The following TRDN variants were observed in gnomAD, a reference collection of about 807,000 sequenced individuals.
The protein encoded by TRDN is triadin, also known as triadin in skeletal muscle.
In TRDN, 161 loss-of-function variants were observed where a neutral mutation model predicts 149.7. The ratio of observed to expected loss-of-function variants is 1.08; its 90% CI spans 0.95 to 1.23. TRDN has a LOEUF of 1.23. Among genes scored for constraint, TRDN ranks in the 50% most tolerant of loss-of-function variants. TRDN has a pLI of 0.00. For synonymous variants in TRDN, 294 were observed against 250.5 expected (o/e 1.17, Z -1.64); for missense variants, 896 against 823.5 (o/e 1.09, Z -1.08).
At position 123,247,929 on chromosome 6, in the gene TRDN, C is replaced by T. The variant is rs562674333; in HGVS notation, c.1975+4483G>A. 1.9e-3 allele frequency among the ~76,000 whole-genome samples: 294 copies of T among 152,090 alleles called. 1 individual carries two copies. Among genetic ancestry groups the T allele is most frequent in the South Asian group, 4.8e-3 (23 of 4,818 alleles). ...TAGACCAATGGGACAGAACAAAGGC[C>T]ACAGAAATAACACCACACATCTACA... On this transcript the variant is annotated intron_variant, in intron 38 of 40. Coordinates refer to ENST00000334268, the MANE Select transcript of TRDN (RefSeq NM_006073.4).
intron 12 of TRDN, among the ~76,000 whole-genome samples, chr6:123,401,467 C>A (rs1562295907): frequency 6.6e-6 from 1 of 152,146 alleles, no homozygotes; most frequent in East Asian, 1.9e-4. Context: ...TGAGGTTTGT[C>A]ACTTACTCTT....
intron 5 of TRDN, among the ~76,000 whole-genome samples, chr6:123,521,258 C>T (rs527584755): frequency 6.6e-6 from 1 of 152,202 alleles, no homozygotes; most frequent in African/African-American, 2.4e-5. Flanking sequence ...GCCCCAGAGC[C>T]TAAGAATGTG....
At chr6:123,389,265 G>A (rs1416735975) in intron 13 of TRDN, among the ~76,000 whole-genome samples, 1 of 152,092 alleles carries the variant, frequency 6.6e-6, no homozygotes, top group Non-Finnish European at 1.5e-5. Flanking sequence ...TATGACCCCT[G>A]GTTCTGTGTA....
chr6:123,545,019 T>C (rs987996602), intron 4 of TRDN, among the ~76,000 whole-genome samples: 1 of 151,956 alleles, frequency 6.6e-6, no homozygotes, highest in Non-Finnish European at 1.5e-5. Context: ...AGAATAGCAG[T>C]AACTCAACAA....
At chr6:123,635,622 A>T (rs1476541812) in intron 1 of TRDN, among the ~76,000 whole-genome samples, 4 of 151,974 alleles carry the variant, frequency 2.6e-5, no homozygotes, top group African/African-American at 7.2e-5. Context: ...ATAAATATTG[A>T]CTAAAAATCT....
intron 24 of TRDN, among the ~76,000 whole-genome samples, chr6:123,286,823 G>A (rs187114423): frequency 6.6e-6 from 1 of 152,046 alleles, no homozygotes; most frequent in African/African-American, 2.4e-5. Flanking sequence ...GGTCCTCAAA[G>A]TGTACTTTCC....
At chr6:123,626,615 A>G (rs577361317) in intron 1 of TRDN, among the ~76,000 whole-genome samples, 1 of 152,134 alleles carries the variant, frequency 6.6e-6, no homozygotes, top group Non-Finnish European at 1.5e-5. Flanking sequence ...TGATGTCTTG[A>G]GCCCCTCAAA....
chr6:123,605,207 A>G (rs1784471114), intron 1 of TRDN, among the ~76,000 whole-genome samples: 3 of 143,072 alleles, frequency 2.1e-5, no homozygotes, highest in Admixed American at 1.4e-4. Context: ...TTGTCAAAAT[A>G]AATATTTTAA....
At chr6:123,444,839 T>C (rs1228449552) in intron 10 of TRDN, among the ~76,000 whole-genome samples, 4 of 152,208 alleles carry the variant, frequency 2.6e-5, no homozygotes, top group African/African-American at 9.7e-5. Context: ...TTTGCGTATG[T>C]TGAACCAGCC....
At chr6:123,462,410 G>A (rs1266993054) in intron 10 of TRDN, 4 of 152,054 alleles carry the variant, frequency 2.6e-5, no homozygotes, top group Non-Finnish European at 5.9e-5. Flanking sequence ...CACAAAGAAG[G>A]CTTTTATGGG....
At chr6:123,368,048 T>A (rs1781182855) in intron 19 of TRDN, among the ~76,000 whole-genome samples, 1 of 152,198 alleles carries the variant, frequency 6.6e-6, no homozygotes. Flanking sequence ...CTCAGAATGT[T>A]CATTTTACTT....
At chr6:123,450,999 G>GC (rs1393962224) in intron 10 of TRDN, among the ~76,000 whole-genome samples, 2 of 151,986 alleles carry the variant, frequency 1.3e-5, no homozygotes, top group African/African-American at 4.8e-5. Flanking sequence ...TCCCAAATGA[G>GC]CACTGGCTCA....
rs1349078776 is a variant in TRDN at position 123,295,980 on chromosome 6, A to G, written c.1511-16898T>C. Among the ~76,000 whole-genome samples the G allele has an allele frequency of 3.9e-5, 6 of 152,226 alleles. No individual in the cohort carries two copies. In the South Asian group the frequency reaches 1.2e-3, roughly 32 times the overall value. On this transcript the variant is annotated intron_variant, in intron 24 of 40. Coordinates refer to ENST00000334268, the MANE Select transcript of TRDN (RefSeq NM_006073.4). ...ACTGTGTCTCAAACAGAAAAAAAAAAAAGATGAATGAATGGCAAATTAAAA... is the reference window on the plus strand; with the variant it reads ...ACTGTGTCTCAAACAGAAAAAAAAAGAAGATGAATGAATGGCAAATTAAAA...
intron 1 of TRDN, among the ~76,000 whole-genome samples, chr6:123,628,955 T>C (rs560233140): frequency 2.6e-5 from 4 of 152,158 alleles, no homozygotes; most frequent in Admixed American, 6.5e-5. Flanking sequence ...TTTTTCTAAA[T>C]GCAATGCCTA....
chr6:123,496,057 CATT>C (rs1562346438), intron 9 of TRDN, among the ~76,000 whole-genome samples: 2 of 145,936 alleles, frequency 1.4e-5, no homozygotes, highest in African/African-American at 2.5e-5. Flanking sequence ...TAATATATAT[CATT>C]AATATTATTA....
intron 35 of TRDN, 55 bp downstream of exon 35, chr6:123,259,569 G>C: frequency 7.3e-6 from 9 of 1,241,174 alleles, no homozygotes; most frequent in Non-Finnish European, 1.0e-5. Context: ...TTTGTTTTTT[G>C]TTCCTCTGTT....
At chr6:123,362,630 A>G (rs1780946099) in intron 20 of TRDN, among the ~76,000 whole-genome samples, 1 of 152,112 alleles carries the variant, frequency 6.6e-6, no homozygotes, top group Non-Finnish European at 1.5e-5. Flanking sequence ...TGCCGTAAAC[A>G]TTGTCTTTTC....
At chr6:123,391,192 A>G (rs1782100340) in intron 13 of TRDN, among the ~76,000 whole-genome samples, 1 of 152,042 alleles carries the variant, frequency 6.6e-6, no homozygotes, top group East Asian at 1.9e-4. Context: ...TTGGCTCCAA[A>G]AAAATTATTG....
At position 123,520,642 on chromosome 6, in the gene TRDN, C is replaced by T. The variant is rs76734015; in HGVS notation, c.485-4436G>A. 7.6e-3 allele frequency among the ~76,000 whole-genome samples: 1,161 copies of T among 152,258 alleles called. 14 individuals are homozygous for T. The highest frequency in any genetic ancestry group is 0.026 in the African/African-American group (1,082 of 41,566). On this transcript the variant is annotated intron_variant, in intron 5 of 40. Transcript: ENST00000334268. ...AGTTGTAAAGCTAATCTGATACTTA[C>T]GCGTTAAATCACAAAAGATATTTTA...
Sources: gnomAD v4.1 joint callset for allele counts (sites outside exome capture counted in the v4.1 genomes callset) on GRCh38, gnomAD v4.1.1 for gene constraint, MANE v1.5 for transcripts, NCBI Gene and HGNC (gene_info 2026-07-23, HGNC 2026-07-21) for gene names.